Variants in CBX7 observed in about 807,000 individuals in gnomAD.
CBX7 encodes chromobox protein homolog 7.
CBX7 carries 14 observed loss-of-function variants against 31.4 expected under a neutral mutation model. The observed-to-expected ratio is 0.45, with a 90% CI of 0.29 to 0.70. CBX7 has a LOEUF of 0.70. Ranked by LOEUF, CBX7 falls within the 30% of genes least tolerant of loss-of-function variation. CBX7 has a pLI of 0.11. For missense variants in CBX7, 269 were observed against 351.9 expected, an observed-to-expected ratio of 0.76 and a Z score of 1.89; for synonymous variants, 159 against 152.6, an observed-to-expected ratio of 1.04 and a Z score of -0.31.
Position 39,149,850 on chromosome 22 carries a change from C to T in CBX7, c.70-18G>A. ...ACTTTACCCTGAGAAGAGAGAGAAG[C>T]AGACACAGTGAGTCTCGTGGTTGCC... is the stretch of plus-strand genomic sequence containing the variant. On this transcript the variant is annotated intron_variant, in intron 1 of 5. Coordinates refer to ENST00000216133, the MANE Select transcript of CBX7 (RefSeq NM_175709.5). 6.2e-7 allele frequency: 1 copy of T among 1,612,584 alleles called. No homozygotes were observed. The highest frequency in any genetic ancestry group is 1.1e-5 in the South Asian group (1 of 91,042).
At chr22:39,149,483 C>T in intron 2 of CBX7, 1 of 489,408 alleles carries the variant, frequency 2.0e-6, no homozygotes. Context: ...GATGCTGGGC[C>T]TTCACCTCCC....
At chr22:39,138,601 G>T (rs369826665) in intron 4 of CBX7, 35 bp downstream of exon 4, 1 of 1,607,474 alleles carries the variant, frequency 6.2e-7, no homozygotes, top group Admixed American at 1.7e-5. Flanking sequence ...GGGTTGGGCA[G>T]GGGGAGAAAG....
chr22:39,144,269 T>C (rs1334185174), intron 2 of CBX7, among the ~76,000 whole-genome samples: 1 of 152,180 alleles, frequency 6.6e-6, no homozygotes, highest in East Asian at 1.9e-4. Flanking sequence ...CCCCTTCCCA[T>C]GTGCCCCCTG....
At chr22:39,135,898 T>G (rs1930234969) in intron 4 of CBX7, 1 of 152,246 alleles carries the variant, frequency 6.6e-6, no homozygotes, top group Non-Finnish European at 1.5e-5. Flanking sequence ...AAGGCCAGCC[T>G]GGCCAACATG....
At chr22:39,145,673 A>G (rs915098501) in intron 2 of CBX7, among the ~76,000 whole-genome samples, 5 of 148,208 alleles carry the variant, frequency 3.4e-5, no homozygotes, top group African/African-American at 1.2e-4. Context: ...GGCCGCGCGC[A>G]CGCACGCACG....
rs936222793 is a variant in CBX7, at chr22:39,141,147, T to C, written c.179+224A>G. 5.7e-5 allele frequency: 29 copies of C among 512,180 alleles called. No homozygotes were observed. In the Admixed American group the frequency reaches 9.9e-4, roughly 17 times the overall value. 31.7% of individuals were successfully genotyped at this position (512,180 alleles called of 1,614,324 possible). A position where few individuals can be genotyped will look rare whatever the true frequency, so the allele number is the denominator to read the frequency against. On this transcript the variant is annotated intron_variant, in intron 3 of 5. Transcript: ENST00000216133. ...GCAGAGAGACTGAGGCCCGGGTGGG[T>C]AAAGGAAGTGACCGAGATCACCCAA...
In CBX7 at chr22:39,131,001, T is replaced by A. The variant is rs1930016066; in HGVS notation, c.*2890A>T. The stretch of plus-strand genomic sequence containing the variant: ...ACCCCTCCCAGATACATTCATTTAG[T>A]CTGAACAAAGCTCGAAGCTCATTCT... On this transcript the variant is annotated 3_prime_UTR_variant, in exon 6 of 6. Coordinates refer to ENST00000216133, the MANE Select transcript of CBX7 (RefSeq NM_175709.5). The A allele has an allele frequency of 6.6e-6, 1 of 152,616 alleles. No individual in the cohort carries two copies. Among genetic ancestry groups the A allele is most frequent in the Non-Finnish European group, 1.5e-5 (1 of 68,058 alleles). 9.5% of individuals were successfully genotyped at this position (152,616 alleles called of 1,614,324 possible).
intron 1 of CBX7, among the ~76,000 whole-genome samples, chr22:39,150,863 G>A (rs1369996429): frequency 1.3e-5 from 2 of 152,196 alleles, no homozygotes; most frequent in African/African-American, 4.8e-5. Flanking sequence ...TCCTCACAGA[G>A]GCTTTCCCTG....
Position 39,141,346 on chromosome 22 carries a change from C to A in CBX7, c.179+25G>T, listed in dbSNP as rs571004606. 342 of 1,602,918 alleles carry A rather than the reference C, an allele frequency of 2.1e-4. 7 individuals carry two copies. The South Asian group carries it at 3.7e-3, about 17-fold the overall frequency. On this transcript the variant is annotated intron_variant, in intron 3 of 5. Coordinates refer to ENST00000216133, the MANE Select transcript of CBX7 (RefSeq NM_175709.5). ...GCCTCTGAGCCGGCCCTAAGCCCCACCCGGCGGTGCCGAGGACACCGTACT... is the reference window on the plus strand; with the variant it reads ...GCCTCTGAGCCGGCCCTAAGCCCCAACCGGCGGTGCCGAGGACACCGTACT...
At chr22:39,140,088 A>G (rs1930400690) in intron 3 of CBX7, among the ~76,000 whole-genome samples, 1 of 152,186 alleles carries the variant, frequency 6.6e-6, no homozygotes, top group South Asian at 2.1e-4. Context: ...CACTCTCTGC[A>G]GCCCCCAGTA....
intron 2 of CBX7, among the ~76,000 whole-genome samples, chr22:39,143,952 C>T (rs1930549859): frequency 6.6e-6 from 1 of 152,206 alleles, no homozygotes; most frequent in East Asian, 1.9e-4. Context: ...ATAAAACATA[C>T]AGACAAAAGC....
rs1049709874 is a variant in CBX7, at chr22:39,149,770, C to T, written c.113+19G>A. On this transcript the variant is annotated intron_variant, in intron 2 of 5. Transcript: ENST00000216133. The stretch of plus-strand genomic sequence containing the variant: ...GTCGGTAGGCAGACAGACAGACACA[C>T]ACACATGAAGGAGCTTACTTTGGGG... 4 of 1,612,662 alleles carry T rather than the reference C, an allele frequency of 2.5e-6. No individual in the cohort carries two copies. Among genetic ancestry groups the T allele is most frequent in the Non-Finnish European group, 3.4e-6 (4 of 1,178,824 alleles).
chr22:39,134,895 C>T, intron 4 of CBX7, 143 bp from the exon 5 acceptor site: 1 of 618,266 alleles, frequency 1.6e-6, no homozygotes, highest in East Asian at 2.9e-5. Flanking sequence ...GGCTGGCCAT[C>T]ACCCCACCCC....
intron 4 of CBX7, 114 bp from the exon 5 acceptor site, chr22:39,134,866 C>T (rs1930196508): frequency 7.3e-6 from 5 of 689,186 alleles, no homozygotes; most frequent in Non-Finnish European, 1.2e-5. Context: ...TCTACCCACT[C>T]AACTCCTTCC....
At position 39,133,775 on chromosome 22, in the gene CBX7, T is replaced by C. The variant is rs1930131539; in HGVS notation, c.*116A>G. The C allele has an allele frequency of 2.9e-6, 3 of 1,036,816 alleles. No individual in the cohort carries two copies. The highest frequency in any genetic ancestry group is 5.9e-5 in the East Asian group (2 of 34,096). 64.2% of individuals were successfully genotyped at this position (1,036,816 alleles called of 1,614,324 possible). A position where few individuals can be genotyped will look rare whatever the true frequency, so the allele number is the denominator to read the frequency against. ...AGAGTAGTGGGATCTTCTCCCCTTT[T>C]GCTGCTCGGTATTTTTTTAAATAAA... On this transcript the variant is annotated 3_prime_UTR_variant, in exon 6 of 6. Transcript: ENST00000216133.
rs930507035 is a variant in CBX7, at chr22:39,132,472, G to C, written c.*1419C>G. On this transcript the variant is annotated 3_prime_UTR_variant, in exon 6 of 6. Coordinates refer to ENST00000216133, the MANE Select transcript of CBX7 (RefSeq NM_175709.5). ...CTCCCCTACAGGACTGGAAGAGAGGGAGAAGTCACTCCTCACTGGCAGGGA... is the reference window on the plus strand; with the variant it reads ...CTCCCCTACAGGACTGGAAGAGAGGCAGAAGTCACTCCTCACTGGCAGGGA... The C allele has an allele frequency of 2.6e-5, 4 of 152,386 alleles. No individual in the cohort carries two copies. The highest frequency in any genetic ancestry group is 9.6e-5 in the African/African-American group (4 of 41,456). The allele number at this position is 152,386 out of a possible 1,614,324, so 9.4% of individuals were successfully genotyped here.
At chr22:39,141,706 A>T (rs1930462667) in intron 2 of CBX7, among the ~76,000 whole-genome samples, 1 of 150,994 alleles carries the variant, frequency 6.6e-6, no homozygotes, top group African/African-American at 2.4e-5. Flanking sequence ...CCAAGATGAC[A>T]CCATTGCACT....
At chr22:39,147,117 T>TTG (rs1569111810) in intron 2 of CBX7, 5 of 131,424 alleles carry the variant, frequency 3.8e-5, no homozygotes, top group East Asian at 2.3e-4. Flanking sequence ...TTTTTTTTTT[T>TTG]GTGGGGGACG....
At position 39,152,367 on chromosome 22, in the gene CBX7, C is replaced by T. The variant is rs1228987791; in HGVS notation, c.69+9G>A. The T allele has an allele frequency of 7.2e-7, 1 of 1,391,550 alleles. No homozygotes were observed. The highest frequency in any genetic ancestry group is 1.5e-5 in the African/African-American group (1 of 67,398). The allele number at this position is 1,391,550 out of a possible 1,614,324, so 86.2% of individuals were successfully genotyped here. A position where few individuals can be genotyped will look rare whatever the true frequency, so the allele number is the denominator to read the frequency against. On this transcript the variant is annotated intron_variant, in intron 1 of 5. Transcript: ENST00000216133. The surrounding 1 kb of genome is among the most constrained non-coding windows in gnomAD (Gnocchi z 4.9). Reference sequence around the variant, plus strand: ...TGGGGTCCTGGGAGCCGCCCCCGGGCAGCCTCACCTTCCGCACGCGCTTCT... The same window carrying T: ...TGGGGTCCTGGGAGCCGCCCCCGGGTAGCCTCACCTTCCGCACGCGCTTCT...
Sources: gnomAD v4.1 joint callset for allele counts (sites outside exome capture counted in the v4.1 genomes callset) on GRCh38, gnomAD v4.1.1 for gene constraint, Gnocchi (gnomAD v3.1) non-coding constraint, MANE v1.5 for transcripts, NCBI Gene and HGNC (gene_info 2026-07-23, HGNC 2026-07-21) for gene names.